NRDC: variants seen among roughly 807,000 people sequenced by gnomAD.
NRDC encodes nardilysin convertase, also known as nardilysin.
In NRDC, 54 loss-of-function variants were observed where a neutral mutation model predicts 147.1. That is an observed-to-expected ratio of 0.37 (90% CI 0.29 to 0.46). The LOEUF (loss-of-function observed/expected upper bound fraction) is 0.46. Ranked by LOEUF, NRDC falls within the 20% of genes least tolerant of loss-of-function variation. The pLI is 1.00. For synonymous variants in NRDC, 440 were observed against 482.1 expected (o/e 0.91, Z 1.14); for missense variants, 1,082 against 1,370.6 (o/e 0.79, Z 3.33).
At chr1:51,815,516 T>C (rs1679928474) in intron 11 of NRDC, among the ~76,000 whole-genome samples, 2 of 152,106 alleles carry the variant, frequency 1.3e-5, no homozygotes, top group Admixed American at 1.3e-4. Flanking sequence ...CAGAATAGAG[T>C]CTGAAATTCT....
At chr1:51,844,417 T>C (rs1427110046) in intron 1 of NRDC, among the ~76,000 whole-genome samples, 3 of 152,036 alleles carry the variant, frequency 2.0e-5, no homozygotes, top group South Asian at 4.2e-4. Flanking sequence ...ACACCAGATA[T>C]GTGTGCACAC....
At chr1:51,789,522 G>A (rs766180197) in intron 30 of NRDC, 46 bp downstream of exon 30, 7 of 1,589,606 alleles carry the variant, frequency 4.4e-6, no homozygotes, top group East Asian at 2.2e-5. Flanking sequence ...AACTCACTCA[G>A]TAAATGACAA....
intron 9 of NRDC, among the ~76,000 whole-genome samples, chr1:51,818,912 G>C (rs1680089981): frequency 6.6e-6 from 1 of 152,122 alleles, no homozygotes. Flanking sequence ...AGTTATTACA[G>C]GTATACTATT....
chr1:51,789,855 ATCTACAAT>A, intron 29 of NRDC, 198 bp from the exon 30 acceptor site: 1 of 584,510 alleles, frequency 1.7e-6, no homozygotes, highest in South Asian at 2.0e-5. Flanking sequence ...TATACCAATC[ATCTACAAT>A]GGCAAGAGAG....
intron 1 of NRDC, among the ~76,000 whole-genome samples, chr1:51,870,211 T>C (rs1683016795): frequency 6.6e-6 from 1 of 152,226 alleles, no homozygotes; most frequent in Non-Finnish European, 1.5e-5. Flanking sequence ...ATGATCTCCG[T>C]ACTCACGGGC....
chr1:51,854,949 T>C (rs1390728151), intron 1 of NRDC, among the ~76,000 whole-genome samples: 1 of 152,200 alleles, frequency 6.6e-6, no homozygotes, highest in Non-Finnish European at 1.5e-5. Context: ...CCCTTCTTTG[T>C]TCTAAATTTC....
chr1:51,798,294 G>C lies in NRDC; in HGVS notation c.2559C>G (p.Ser853=), dbSNP rs776780154. ...GTACCAGGCCCTCCACAAAGAGCTG[G>C]GATTTGAATTCTTTGACGAAGCTCA... The part of the protein sequence containing the change: ...SLLSFVKEFK[S]QLFVEGLVQG... Residue 853 remains serine, a synonymous_variant, in exon 22 of 31, where the codon TCC becomes TCG. Transcript: ENST00000352171. The C allele has an allele frequency of 1.2e-6, 2 of 1,614,152 alleles. No individual in the cohort carries two copies. Among genetic ancestry groups the C allele is most frequent in the Non-Finnish European group, 1.7e-6 (2 of 1,180,032 alleles).
chr1:51,872,544 AG>A (rs1425726487), intron 1 of NRDC, among the ~76,000 whole-genome samples: 2 of 152,144 alleles, frequency 1.3e-5, no homozygotes, highest in Non-Finnish European at 2.9e-5. Context: ...TCTACAAAAA[AG>A]GACAAAAATT....
At chr1:51,826,904 C>T (rs112010165) in intron 5 of NRDC, among the ~76,000 whole-genome samples, 2,301 of 152,250 alleles carry the variant, frequency 0.015, 20 homozygotes, top group Non-Finnish European at 0.024. Context: ...GAAAAACATA[C>T]TAGAAAGCAT....
chr1:51,817,938 A>G, intron 10 of NRDC, 128 bp downstream of exon 10: 1 of 662,652 alleles, frequency 1.5e-6, no homozygotes. Context: ...CTCCCGGAGT[A>G]ATCAAGTTCC....
chr1:51,798,572 A>G, intron 21 of NRDC, 161 bp from the exon 22 acceptor site: 1 of 596,158 alleles, frequency 1.7e-6, no homozygotes, highest in Non-Finnish European at 2.8e-6. Context: ...ATTAACCAAA[A>G]AAGTACTGAA....
chr1:51,800,572 G>T lies in NRDC; in HGVS notation c.2425C>A (p.Pro809Thr), dbSNP rs780077616. 2.5e-6 allele frequency: 4 copies of T among 1,613,796 alleles called. No homozygotes were observed. Among genetic ancestry groups the T allele is most frequent in the Non-Finnish European group, 3.4e-6 (4 of 1,179,914 alleles). Reference sequence around the variant, plus strand: ...TATACCCACTTGGCCAAAGTCTCGGGCTTGATGAGGATGTTAAAGTAGGTC... The same window carrying T: ...TATACCCACTTGGCCAAAGTCTCGGTCTTGATGAGGATGTTAAAGTAGGTC... ...KKTYFNILIK[P>T]ETLAKDVRLL... Residue 809 changes from proline to threonine, a missense_variant, in exon 21 of 31, where the codon CCC (proline) becomes ACC (threonine). Transcript: ENST00000352171.
At chr1:51,806,663 T>C (rs1459789656) in intron 18 of NRDC, 131 bp downstream of exon 18, 9 of 837,912 alleles carry the variant, frequency 1.1e-5, no homozygotes, top group South Asian at 1.8e-5. Flanking sequence ...AGGTGGCTGA[T>C]AGAGGCACCC....
intron 20 of NRDC, 98 bp from the exon 21 acceptor site, chr1:51,800,781 T>C (rs1011457858): frequency 1.6e-6 from 2 of 1,215,694 alleles, no homozygotes; most frequent in African/African-American, 1.5e-5. Flanking sequence ...GTACCCAGCA[T>C]GGAACTAGGC....
chr1:51,863,013 G>A (rs1317846112), intron 1 of NRDC, among the ~76,000 whole-genome samples: 3 of 32,056 alleles, frequency 9.4e-5, no homozygotes, highest in Non-Finnish European at 1.5e-4. Flanking sequence ...CTGTGTGGAG[G>A]AAAAAAAAAA....
chr1:51,823,596 A>T, intron 7 of NRDC, 68 bp downstream of exon 7: 1 of 1,310,028 alleles, frequency 7.6e-7, no homozygotes, highest in Non-Finnish European at 1.1e-6. Flanking sequence ...TACAACACTG[A>T]TACAGGCAAA....
intron 1 of NRDC, among the ~76,000 whole-genome samples, chr1:51,873,914 C>A (rs1571930656): frequency 6.6e-6 from 1 of 151,652 alleles, no homozygotes; most frequent in Non-Finnish European, 1.5e-5. Flanking sequence ...TTCGACAGGG[C>A]GTGGTAGCTC....
intron 11 of NRDC, 100 bp from the exon 12 acceptor site, chr1:51,814,913 G>T: frequency 7.9e-7 from 1 of 1,272,810 alleles, no homozygotes. Context: ...GTAAAATGTG[G>T]AAATCTCAGC....
At chr1:51,795,374 C>T (rs1047426504) in intron 22 of NRDC, 1 of 365,296 alleles carries the variant, frequency 2.7e-6, no homozygotes, top group African/African-American at 2.1e-5. Context: ...GACTCTGTAT[C>T]AAAAGCCCTT....
Sources: allele counts gnomAD v4.1 joint callset (sites outside exome capture counted in the v4.1 genomes callset), GRCh38; gene constraint gnomAD v4.1.1; transcripts MANE v1.5; gene names NCBI Gene and HGNC (gene_info 2026-07-23, HGNC 2026-07-21).